The following RNF223 variants were observed in gnomAD, a reference collection of about 807,000 sequenced individuals.
RNF223 encodes ring finger protein 223.
A neutral mutation model predicts 13.9 loss-of-function variants in RNF223; 10 were observed. The observed-to-expected ratio is 0.72, with a 90% CI of 0.44 to 1.22. The LOEUF (loss-of-function observed/expected upper bound fraction) is 1.22, where lower values mean the gene tolerates loss of function less well. Among genes scored for constraint, RNF223 ranks in the 50% most tolerant of loss-of-function variants. The pLI, the probability that RNF223 is intolerant of heterozygous loss-of-function variation, is 0.00. For synonymous variants in RNF223, 168 were observed against 173.3 expected (o/e 0.97, Z 0.24); for missense variants, 379 against 380.0 (o/e 1.00, Z 0.02).
At chr1:1,072,720 T>C (rs1461051659) in intron 1 of RNF223, 145 bp from the exon 2 acceptor site, 2 of 665,862 alleles carry the variant, frequency 3.0e-6, no homozygotes. Flanking sequence ...CCGGTGCCCC[T>C]GGAGGTCATT....
chr1:1,072,719 CT>C, intron 1 of RNF223, 144 bp from the exon 2 acceptor site: 1 of 673,288 alleles, frequency 1.5e-6, no homozygotes, highest in Non-Finnish European at 2.4e-6. Context: ...TCCGGTGCCC[CT>C]GGAGGTCATT....
chr1:1,072,875 C>T (rs1645653001), intron 1 of RNF223, among the ~76,000 whole-genome samples: 1 of 152,230 alleles, frequency 6.6e-6, no homozygotes, highest in Non-Finnish European at 1.5e-5. Context: ...CTCCTGTTGG[C>T]CCTGCCCCAC....
Position 1,071,414 on chromosome 1 carries a change from C to T in RNF223, c.*403G>A, listed in dbSNP as rs1045587922. 3.1e-5 allele frequency: 5 copies of T among 159,604 alleles called. No homozygotes were observed. The highest frequency in any genetic ancestry group is 1.2e-4 in the African/African-American group (5 of 41,588). The allele number at this position is 159,604 out of a possible 1,614,324, so 9.9% of individuals were successfully genotyped here. Reference sequence around the variant, plus strand: ...GCCTCCCCAGTAGCTAAGAGGCACCCACCACGATGCCCGGTTAATTTTTGT... The same window carrying T: ...GCCTCCCCAGTAGCTAAGAGGCACCTACCACGATGCCCGGTTAATTTTTGT... On this transcript the variant is annotated 3_prime_UTR_variant, in exon 2 of 2. Transcript: ENST00000453464.
chr1:1,071,748 G>C lies in RNF223; in HGVS notation c.*69C>G. On this transcript the variant is annotated 3_prime_UTR_variant, in exon 2 of 2. Coordinates refer to ENST00000453464, the MANE Select transcript of RNF223 (RefSeq NM_001205252.2). ...GACTTCCAGTGGCTGCTGTGCCCTT[G>C]GGCCCCCCAGTGGGGGACGCCCCAT... is the stretch of plus-strand genomic sequence containing the variant. 3 of 1,303,460 alleles carry C rather than the reference G, an allele frequency of 2.3e-6. No individual in the cohort carries two copies. The highest frequency in any genetic ancestry group is 2.8e-5 in the East Asian group (1 of 35,230). The allele number at this position is 1,303,460 out of a possible 1,614,324, so 80.7% of individuals were successfully genotyped here. A position where few individuals can be genotyped will look rare whatever the true frequency, so the allele number is the denominator to read the frequency against.
At chr1:1,072,632 T>C (rs1645651261) in intron 1 of RNF223, 57 bp from the exon 2 acceptor site, 1 of 1,323,788 alleles carries the variant, frequency 7.6e-7, no homozygotes, top group Non-Finnish European at 1.0e-6. Flanking sequence ...GGTGGTGTTT[T>C]ATCTCTCCCT....
rs1367690756 is a variant in RNF223, at chr1:1,072,059, G to A, written c.508C>T (p.Pro170Ser). Residue 170 changes from proline (P) to serine (S), a missense_variant, in exon 2 of 2, where the codon CCG (proline) becomes TCG (serine). Transcript: ENST00000453464. ...GCAGGGTCCCGGGCGGGCGCGGGCG[G>A]CTCGGCAGGCTTGCTCAAACCCACG... is the stretch of plus-strand genomic sequence containing the variant. Reference protein sequence around the residue: ...VDVGLSKPAEPPAPARDPAPR... With the variant: ...VDVGLSKPAESPAPARDPAPR... The A allele has an allele frequency of 6.7e-7, 1 of 1,491,644 alleles. No individual in the cohort carries two copies. The highest frequency in any genetic ancestry group is 8.9e-7 in the Non-Finnish European group (1 of 1,127,496). The allele number at this position is 1,491,644 out of a possible 1,614,324, so 92.4% of individuals were successfully genotyped here. A position where few individuals can be genotyped will look rare whatever the true frequency, so the allele number is the denominator to read the frequency against.
In RNF223 at chr1:1,072,225, C is replaced by T. The variant is rs1027976966; in HGVS notation, c.342G>A (p.Ala114=). Residue 114 remains alanine, a synonymous_variant, in exon 2 of 2, where the codon GCG becomes GCA. Transcript: ENST00000453464. ...CCTGCAGCTGGCGGCTGGTGCACAGCGCGGGGGCTCCGGCGGGCGGCACGG... is the reference window on the plus strand; with the variant it reads ...CCTGCAGCTGGCGGCTGGTGCACAGTGCGGGGGCTCCGGCGGGCGGCACGG... The part of the protein sequence containing the change: ...PTAVPPAGAP[A]LCTSRQLQAR... 25 of 1,467,984 alleles carry T rather than the reference C, an allele frequency of 1.7e-5. No homozygotes were observed. In the South Asian group the frequency reaches 2.0e-4, roughly 12 times the overall value. 90.9% of individuals were successfully genotyped at this position (1,467,984 alleles called of 1,614,324 possible).
At position 1,071,984 on chromosome 1, in the gene RNF223, T is replaced by G; in HGVS notation, c.583A>C (p.Arg195=). The part of the protein sequence containing the change: ...ARCWARCRDW[R]RMALVSALLL... ...AGGGCAGAGACCAGTGCCATGCGCCTCCAGTCCCTGCAGCGCGCCCAGCAG... is the reference window on the plus strand; with the variant it reads ...AGGGCAGAGACCAGTGCCATGCGCCGCCAGTCCCTGCAGCGCGCCCAGCAG... Residue 195 remains arginine (R), a synonymous_variant, in exon 2 of 2, where the codon AGG becomes CGG. Coordinates refer to ENST00000453464, the MANE Select transcript of RNF223 (RefSeq NM_001205252.2). 6.6e-7 allele frequency: 1 copy of G among 1,522,448 alleles called. No homozygotes were observed. The highest frequency in any genetic ancestry group is 8.8e-7 in the Non-Finnish European group (1 of 1,141,646). The allele number at this position is 1,522,448 out of a possible 1,614,324, so 94.3% of individuals were successfully genotyped here.
In RNF223 at chr1:1,072,104, G is replaced by A; in HGVS notation, c.463C>T (p.Pro155Ser). Residue 155 changes from proline to serine, a missense_variant, in exon 2 of 2, where the codon CCC becomes TCC. Pro to Ser is a moderately conservative substitution (Grantham distance 74). Coordinates refer to ENST00000453464, the MANE Select transcript of RNF223 (RefSeq NM_001205252.2). ...QPLPTTPGREPGFVCVDVGLS... is the reference protein window; with the variant it reads ...QPLPTTPGRESGFVCVDVGLS... ...CCCACGTCCACGCATACGAAACCGG[G>A]CTCGCGGCCAGGTGTGGTGGGCAGT... The A allele has an allele frequency of 6.6e-7, 1 of 1,515,462 alleles. No individual in the cohort carries two copies. Among genetic ancestry groups the A allele is most frequent in the Non-Finnish European group, 8.8e-7 (1 of 1,138,762 alleles). The allele number at this position is 1,515,462 out of a possible 1,614,324, so 93.9% of individuals were successfully genotyped here. A position where few individuals can be genotyped will look rare whatever the true frequency, so the allele number is the denominator to read the frequency against.
chr1:1,073,442 G>C (rs1645658251), intron 1 of RNF223, among the ~76,000 whole-genome samples: 1 of 152,234 alleles, frequency 6.6e-6, no homozygotes, highest in Non-Finnish European at 1.5e-5. Context: ...CTCATGGTCA[G>C]GTGATGGTCA....
Position 1,072,029 on chromosome 1 carries a change from G to T in RNF223, c.538C>A (p.Arg180Ser), listed in dbSNP as rs909101750. The T allele has an allele frequency of 2.0e-6, 3 of 1,491,788 alleles. 1 individual carries two copies. The highest frequency in any genetic ancestry group is 4.5e-5 in the Admixed American group (2 of 44,362). 92.4% of individuals were successfully genotyped at this position (1,491,788 alleles called of 1,614,324 possible). A position where few individuals can be genotyped will look rare whatever the true frequency, so the allele number is the denominator to read the frequency against. The change falls in exon 2 of 2, where the codon CGC becomes AGC. Residue 180 changes from arginine (R) to serine (S), a missense_variant. Arg to Ser is a moderately radical substitution (Grantham distance 110, BLOSUM62 -1). Coordinates refer to ENST00000453464, the MANE Select transcript of RNF223 (RefSeq NM_001205252.2). ...CAGCAGCGGGCCAGGCGGCCCCGGC[G>T]GGGGGCAGGGTCCCGGGCGGGCGCG... is the stretch of plus-strand genomic sequence containing the variant. The part of the protein sequence containing the change: ...PPAPARDPAP[R>S]RGRLARCWAR...
rs142960669 is a variant in RNF223 at position 1,072,607 on chromosome 1, C to T, written c.-9-32G>A. 9.8e-3 allele frequency: 14,084 copies of T among 1,431,790 alleles called. 74 individuals carry two copies. The highest frequency in any genetic ancestry group is 0.014 in the South Asian group (1,023 of 70,938). 88.7% of individuals were successfully genotyped at this position (1,431,790 alleles called of 1,614,324 possible). A position where few individuals can be genotyped will look rare whatever the true frequency, so the allele number is the denominator to read the frequency against. On this transcript the variant is annotated intron_variant, in intron 1 of 1. Transcript: ENST00000453464. ...GACAGGGACTGTGGTAAGCAATCAC[C>T]GGCCGCCCCTTTCTGGTGGTGTTTT...
At position 1,071,974 on chromosome 1, in the gene RNF223, G is replaced by T. The variant is rs1437143266; in HGVS notation, c.593C>A (p.Ala198Glu). ...CATCAGCAGCAGGGCAGAGACCAGTGCCATGCGCCTCCAGTCCCTGCAGCG... is the reference window on the plus strand; with the variant it reads ...CATCAGCAGCAGGGCAGAGACCAGTTCCATGCGCCTCCAGTCCCTGCAGCG... ...WARCRDWRRM[A>E]LVSALLLMLF... The change falls in exon 2 of 2, where the codon GCA becomes GAA. Residue 198 changes from alanine (A) to glutamate (E), a missense_variant. Physicochemically the swap from Ala to Glu is moderately radical, Grantham distance 107. Transcript: ENST00000453464. 4.6e-6 allele frequency: 7 copies of T among 1,528,782 alleles called. No homozygotes were observed. In the South Asian group the frequency reaches 8.4e-5, roughly 18 times the overall value. The allele number at this position is 1,528,782 out of a possible 1,614,324, so 94.7% of individuals were successfully genotyped here.
At chr1:1,072,855 C>T (rs932648650) in intron 1 of RNF223, among the ~76,000 whole-genome samples, 2 of 152,206 alleles carry the variant, frequency 1.3e-5, no homozygotes, top group Non-Finnish European at 2.9e-5. Flanking sequence ...ACTGACCGCT[C>T]GGCAGACACC....
chr1:1,072,436 C>G lies in RNF223; in HGVS notation c.131G>C (p.Arg44Thr), dbSNP rs1557738534. ...PRSPGTPGSERVASPLECSIC... is the reference protein window; with the variant it reads ...PRSPGTPGSETVASPLECSIC... Reference sequence around the variant, plus strand: ...GGAGCACTCCAGGGGGGAGGCCACCCTCTCCGAGCCAGGGGTGCCAGGGGA... The same window carrying G: ...GGAGCACTCCAGGGGGGAGGCCACCGTCTCCGAGCCAGGGGTGCCAGGGGA... Residue 44 changes from arginine to threonine, a missense_variant, in exon 2 of 2, where the codon AGG becomes ACG. Physicochemically the swap from Arg to Thr is moderately conservative, Grantham distance 71. Coordinates refer to ENST00000453464, the MANE Select transcript of RNF223 (RefSeq NM_001205252.2). 6.6e-7 allele frequency: 1 copy of G among 1,506,918 alleles called. No homozygotes were observed. 93.3% of individuals were successfully genotyped at this position (1,506,918 alleles called of 1,614,324 possible).
rs1003470421 is a variant in RNF223 at position 1,072,241 on chromosome 1, G to A, written c.326C>T (p.Pro109Leu). 1.3e-5 allele frequency: 19 copies of A among 1,447,870 alleles called. No homozygotes were observed. The African/African-American group carries it at 1.6e-4, about 12-fold the overall frequency. The allele number at this position is 1,447,870 out of a possible 1,614,324, so 89.7% of individuals were successfully genotyped here. Residue 109 changes from proline (P) to leucine (L), a missense_variant, in exon 2 of 2, where the codon CCC (proline) becomes CTC (leucine). Transcript: ENST00000453464. ...GGTGCACAGCGCGGGGGCTCCGGCG[G>A]GCGGCACGGCCGTGGGCTGCCTGCA... ...PFCRQPTAVP[P>L]AGAPALCTSR...
rs999406971 is a variant in RNF223 at position 1,071,710 on chromosome 1, G to A, written c.*107C>T. Reference sequence around the variant, plus strand: ...CTCAGAGATGCCAGGCTCCTTTCGCGTCCTCGGGGACCGACTTCCAGTGGC... The same window carrying A: ...CTCAGAGATGCCAGGCTCCTTTCGCATCCTCGGGGACCGACTTCCAGTGGC... On this transcript the variant is annotated 3_prime_UTR_variant, in exon 2 of 2. Transcript: ENST00000453464. 70 of 1,021,996 alleles carry A rather than the reference G, an allele frequency of 6.8e-5. 1 individual carries two copies. Among genetic ancestry groups the A allele is most frequent in the Admixed American group, 1.3e-4 (4 of 29,780 alleles). 63.3% of individuals were successfully genotyped at this position (1,021,996 alleles called of 1,614,324 possible). A position where few individuals can be genotyped will look rare whatever the true frequency, so the allele number is the denominator to read the frequency against.
At position 1,072,105 on chromosome 1, in the gene RNF223, C is replaced by T. The variant is rs1407141759; in HGVS notation, c.462G>A (p.Glu154=). The T allele has an allele frequency of 8.6e-6, 13 of 1,515,382 alleles. No homozygotes were observed. Among genetic ancestry groups the T allele is most frequent in the Middle Eastern group, 1.7e-4 (1 of 5,930 alleles). The allele number at this position is 1,515,382 out of a possible 1,614,324, so 93.9% of individuals were successfully genotyped here. A position where few individuals can be genotyped will look rare whatever the true frequency, so the allele number is the denominator to read the frequency against. ...CCACGTCCACGCATACGAAACCGGGCTCGCGGCCAGGTGTGGTGGGCAGTG... is the reference window on the plus strand; with the variant it reads ...CCACGTCCACGCATACGAAACCGGGTTCGCGGCCAGGTGTGGTGGGCAGTG... ...CQPLPTTPGR[E]PGFVCVDVGL... Residue 154 remains glutamate (E), a synonymous_variant, in exon 2 of 2, where the codon GAG becomes GAA. Coordinates refer to ENST00000453464, the MANE Select transcript of RNF223 (RefSeq NM_001205252.2).
intron 1 of RNF223, 130 bp from the exon 2 acceptor site, chr1:1,072,705 T>G: frequency 1.4e-6 from 1 of 740,474 alleles, no homozygotes; most frequent in Non-Finnish European, 2.1e-6. Flanking sequence ...CTCCAGAAAG[T>G]TCCTCCGGTG....
Sources: gnomAD v4.1 joint callset for allele counts (sites outside exome capture counted in the v4.1 genomes callset) on GRCh38, gnomAD v4.1.1 for gene constraint, MANE v1.5 for transcripts, NCBI Gene and HGNC (gene_info 2026-07-23, HGNC 2026-07-21) for gene names.